Variants in CADPS observed in about 807,000 individuals in gnomAD.
CADPS encodes calcium-dependent secretion activator 1.
CADPS carries 57 observed loss-of-function variants against 167.3 expected under a neutral mutation model. The ratio of observed to expected loss-of-function variants is 0.34; its 90% confidence interval spans 0.28 to 0.42. CADPS has a LOEUF of 0.42. CADPS is among the 20% of genes least tolerant of loss of function. The pLI is 1.00. For synonymous variants in CADPS, 676 were observed against 635.3 expected, an observed-to-expected ratio of 1.06 and a Z score of -0.96; for missense variants, 1,414 against 1,738.1, an observed-to-expected ratio of 0.81 and a Z score of 3.32.
In CADPS at chr3:62,875,262, G is replaced by C; in HGVS notation, c.-233C>G. 1 of 334,578 alleles carries C rather than the reference G, an allele frequency of 3.0e-6. No individual in the cohort carries two copies. Among genetic ancestry groups the C allele is most frequent in the Non-Finnish European group, 5.2e-6 (1 of 193,142 alleles). 20.7% of individuals were successfully genotyped at this position (334,578 alleles called of 1,614,324 possible). ...AGGAGGGGAAGGGAGAGGTGCGTCC[G>C]TGGACTCGAGGTGGGCAAGGGGGAG... On this transcript the variant is annotated 5_prime_UTR_variant, in exon 1 of 30. Transcript: ENST00000383710.
chr3:62,862,709 C>A (rs970871661), intron 1 of CADPS, among the ~76,000 whole-genome samples: 1 of 152,202 alleles, frequency 6.6e-6, no homozygotes, highest in African/African-American at 2.4e-5. Flanking sequence ...GCGTGAATCA[C>A]TATGACTTTC....
At chr3:62,613,736 C>T (rs1449871178) in intron 6 of CADPS, among the ~76,000 whole-genome samples, 1 of 152,254 alleles carries the variant, frequency 6.6e-6, no homozygotes, top group Non-Finnish European at 1.5e-5. Flanking sequence ...GGTATCATCT[C>T]CTAGACATAT....
At chr3:62,787,249 C>T (rs1291500385) in intron 1 of CADPS, among the ~76,000 whole-genome samples, 2 of 152,050 alleles carry the variant, frequency 1.3e-5, no homozygotes, top group South Asian at 2.1e-4. Flanking sequence ...GAGCCAAGAT[C>T]GCACCACTGC....
intron 3 of CADPS, among the ~76,000 whole-genome samples, chr3:62,668,504 C>T (rs1247997395): frequency 1.3e-5 from 2 of 152,160 alleles, no homozygotes. Context: ...CTTATCTCTC[C>T]CTTGACTGGT....
chr3:62,776,447 G>A (rs2090327214), intron 1 of CADPS, among the ~76,000 whole-genome samples: 3 of 152,236 alleles, frequency 2.0e-5, no homozygotes, highest in African/African-American at 7.2e-5. Flanking sequence ...GAGGTCAGGA[G>A]ATCAAGACCA....
intron 26 of CADPS, among the ~76,000 whole-genome samples, chr3:62,448,624 G>GC (rs1560515063): frequency 6.6e-6 from 1 of 151,308 alleles, no homozygotes; most frequent in Non-Finnish European, 1.5e-5. Flanking sequence ...ACTTTTTTGG[G>GC]GGGGGGTGGT....
chr3:62,430,212 T>TGAA (rs1161955886), intron 28 of CADPS, among the ~76,000 whole-genome samples: 3 of 152,092 alleles, frequency 2.0e-5, no homozygotes, highest in African/African-American at 7.2e-5. Flanking sequence ...AGGCATGGAG[T>TGAA]GAAGCATTCC....
intron 27 of CADPS, among the ~76,000 whole-genome samples, chr3:62,442,637 C>G (rs1422251564): frequency 6.6e-6 from 1 of 152,136 alleles, no homozygotes; most frequent in African/African-American, 2.4e-5. Flanking sequence ...CCAATGTGCT[C>G]TCATTGAAGG....
chr3:62,534,901 ATAAG>A (rs1425597468), intron 12 of CADPS, among the ~76,000 whole-genome samples: 1 of 152,194 alleles, frequency 6.6e-6, no homozygotes, highest in Non-Finnish European at 1.5e-5. Flanking sequence ...TTTTAAGCCT[ATAAG>A]TAATTAATGG....
chr3:62,779,405 G>T, intron 1 of CADPS: 1 of 470,904 alleles, frequency 2.1e-6, no homozygotes, highest in South Asian at 1.9e-5. Context: ...GCTGCCTTTT[G>T]AAGCTTCTTA....
chr3:62,529,258 C>T (rs2073081911), intron 13 of CADPS, among the ~76,000 whole-genome samples: 1 of 152,160 alleles, frequency 6.6e-6, no homozygotes, highest in African/African-American at 2.4e-5. Context: ...AAATGCAATG[C>T]AAACAAAGAT....
At chr3:62,509,206 A>G (rs978071470) in intron 17 of CADPS, among the ~76,000 whole-genome samples, 4 of 150,878 alleles carry the variant, frequency 2.7e-5, no homozygotes, top group Non-Finnish European at 5.9e-5. Context: ...TCGGATGCTG[A>G]GACAAAAGTA....
At chr3:62,836,710 T>C (rs2075947807) in intron 1 of CADPS, among the ~76,000 whole-genome samples, 1 of 152,152 alleles carries the variant, frequency 6.6e-6, no homozygotes, top group African/African-American at 2.4e-5. Flanking sequence ...GTACCATGCC[T>C]GGGAGGTGAA....
At chr3:62,541,974 A>G (rs1484476600) in intron 11 of CADPS, among the ~76,000 whole-genome samples, 2 of 152,166 alleles carry the variant, frequency 1.3e-5, no homozygotes, top group East Asian at 3.9e-4. Context: ...TTTTTATTTT[A>G]TTGAAATTTT....
At chr3:62,634,494 A>G (rs1298860826) in intron 6 of CADPS, among the ~76,000 whole-genome samples, 2 of 152,198 alleles carry the variant, frequency 1.3e-5, no homozygotes, top group Non-Finnish European at 2.9e-5. Context: ...CTATTTTAAA[A>G]ATGAATATTC....
chr3:62,585,063 A>T (rs2084297952), intron 8 of CADPS, 122 bp downstream of exon 8: 2 of 917,906 alleles, frequency 2.2e-6, no homozygotes, highest in Non-Finnish European at 3.3e-6. Context: ...GAATATTTTA[A>T]TATGAATTCT....
chr3:62,788,348 G>A (rs1172202471), intron 1 of CADPS, among the ~76,000 whole-genome samples: 1 of 152,060 alleles, frequency 6.6e-6, no homozygotes, highest in Admixed American at 6.6e-5. Context: ...TGAATCCCTA[G>A]GTTTTCTCAG....
intron 3 of CADPS, among the ~76,000 whole-genome samples, chr3:62,669,536 A>C (rs1222049791): frequency 6.6e-6 from 1 of 152,122 alleles, no homozygotes; most frequent in Non-Finnish European, 1.5e-5. Flanking sequence ...CATTTCCTAA[A>C]GCCTGTCTCT....
intron 1 of CADPS, among the ~76,000 whole-genome samples, chr3:62,855,597 A>G (rs925924464): frequency 2.6e-5 from 4 of 152,204 alleles, no homozygotes; most frequent in African/African-American, 9.6e-5. Flanking sequence ...AGCAATAAAT[A>G]TTTTTTAAAA....
Sources: allele counts gnomAD v4.1 joint callset (sites outside exome capture counted in the v4.1 genomes callset), GRCh38; gene constraint gnomAD v4.1.1; transcripts MANE v1.5; gene names NCBI Gene and HGNC (gene_info 2026-07-23, HGNC 2026-07-21).